Variants in GMCL1 observed in about 807,000 individuals in gnomAD.
GMCL1 encodes germ cell-less protein-like 1.
GMCL1 carries 54 observed loss-of-function variants against 75.5 expected under a neutral mutation model. The observed-to-expected ratio is 0.71, with a 90% CI of 0.57 to 0.90. GMCL1 has a LOEUF of 0.90. GMCL1 is among the 40% of genes least tolerant of loss of function. The pLI is 0.00. For missense variants in GMCL1, 537 were observed against 622.7 expected (o/e 0.86, Z 1.47); for synonymous variants, 210 against 209.6 (o/e 1.00, Z -0.02).
intron 1 of GMCL1, among the ~76,000 whole-genome samples, chr2:69,836,707 A>G (rs1300576003): frequency 6.6e-6 from 1 of 152,224 alleles, no homozygotes; most frequent in African/African-American, 2.4e-5. Flanking sequence ...GCCTCTGCCT[A>G]AGGCCTTTTC....
Position 69,861,313 on chromosome 2 carries a change from G to T in GMCL1, c.1108G>T (p.Ala370Ser). Reference sequence around the variant, plus strand: ...TTCTGTGTATAAACAGCAGTGGTTTGCTATGCTGCGGGCAGAACAGGACAG... The same window carrying T: ...TTCTGTGTATAAACAGCAGTGGTTTTCTATGCTGCGGGCAGAACAGGACAG... Reference protein sequence around the residue: ...LSSVYKQQWFAMLRAEQDSEV... With the variant: ...LSSVYKQQWFSMLRAEQDSEV... Residue 370 changes from alanine to serine, a missense_variant, in exon 10 of 14, where the codon GCT (alanine) becomes TCT (serine). Physicochemically the swap from Ala to Ser is moderately conservative, Grantham distance 99. This residue lies in a region of GMCL1 where 345 missense variants were observed against 410.5 expected (regional missense o/e 0.84). Transcript: ENST00000282570. The T allele has an allele frequency of 6.2e-7, 1 of 1,609,502 alleles. No individual in the cohort carries two copies. Among genetic ancestry groups the T allele is most frequent in the Non-Finnish European group, 8.5e-7 (1 of 1,176,948 alleles).
intron 1 of GMCL1, among the ~76,000 whole-genome samples, chr2:69,834,224 A>C (rs2103943331): frequency 6.6e-6 from 1 of 152,306 alleles, no homozygotes; most frequent in Middle Eastern, 3.4e-3. Flanking sequence ...AACACAGAAA[A>C]GTCTTTTGAA....
At chr2:69,839,333 T>G (rs1235661928) in intron 2 of GMCL1, 124 bp from the exon 3 acceptor site, 5 of 542,548 alleles carry the variant, frequency 9.2e-6, no homozygotes, top group Admixed American at 3.1e-5. Flanking sequence ...TCTTTTTCTG[T>G]TGAAGTAATA....
In GMCL1 at chr2:69,829,955, G is replaced by T. The variant is rs1303733168; in HGVS notation, c.63G>T (p.Gln21His). 6.3e-7 allele frequency: 1 copy of T among 1,594,606 alleles called. No homozygotes were observed. The highest frequency in any genetic ancestry group is 1.7e-4 in the Middle Eastern group (1 of 6,042). Residue 21 changes from glutamine (Q) to histidine (H), a missense_variant, in exon 1 of 14, where the codon CAG (glutamine) becomes CAT (histidine). Physicochemically the swap from Gln to His is conservative, Grantham distance 24. This residue lies in a region of GMCL1 where 144 missense variants were observed against 127.2 expected (regional missense o/e 1.13). Transcript: ENST00000282570. Reference protein sequence around the residue: ...QPRPALAQQAQGARAGGSARR... With the variant: ...QPRPALAQQAHGARAGGSARR... ...GACCAGCCCTTGCCCAGCAGGCGCA[G>T]GGTGCCAGGGCGGGGGGCTCGGCCC...
At chr2:69,870,855 GA>G (rs1171718311) in intron 12 of GMCL1, among the ~76,000 whole-genome samples, 4 of 151,712 alleles carry the variant, frequency 2.6e-5, no homozygotes, top group Admixed American at 2.0e-4. Flanking sequence ...AAACAGAATA[GA>G]AAAAAAACAA....
At position 69,839,439 on chromosome 2, in the gene GMCL1, CTTT is replaced by C; in HGVS notation, c.385-10_385-8del. The C allele has an allele frequency of 7.5e-7, 1 of 1,330,812 alleles. No individual in the cohort carries two copies. Among genetic ancestry groups the C allele is most frequent in the Non-Finnish European group, 1.0e-6 (1 of 964,394 alleles). 82.4% of individuals were successfully genotyped at this position (1,330,812 alleles called of 1,614,324 possible). A position where few individuals can be genotyped will look rare whatever the true frequency, so the allele number is the denominator to read the frequency against. The stretch of plus-strand genomic sequence containing the variant: ...ACAGAAAGTACTTGATAATCGTTGA[CTTT>C]TTTTTTTGTTTAAGTCTGGCTACTT... On this transcript the variant is annotated splice_polypyrimidine_tract_variant and intron_variant, in intron 2 of 13. Transcript: ENST00000282570.
chr2:69,856,640 C>CTTTT lies in GMCL1; in HGVS notation c.1072+1705_1072+1708dup, dbSNP rs34707640. Among the ~76,000 whole-genome samples the CTTTT allele has an allele frequency of 3.0e-4, 27 of 89,856 alleles. 1 individual carries two copies. The highest frequency in any genetic ancestry group is 9.6e-4 in the African/African-American group (24 of 25,102). The allele number at this position is 89,856 out of a possible 152,430, so 58.9% of individuals were successfully genotyped here. On this transcript the variant is annotated intron_variant, in intron 9 of 13. Transcript: ENST00000282570. ...AACAAAATCTTCCATCTCTTCCCTC[C>CTTTT]TTTTTTTTTTTTTTTTTTTTTTTTT...
intron 9 of GMCL1, among the ~76,000 whole-genome samples, chr2:69,860,484 C>T (rs1675608966): frequency 6.6e-6 from 1 of 151,726 alleles, no homozygotes; most frequent in African/African-American, 2.4e-5. Context: ...ATTGAGTGTG[C>T]ATGTTTCATC....
intron 5 of GMCL1, 100 bp downstream of exon 5, chr2:69,843,361 G>A: frequency 1.2e-5 from 7 of 599,040 alleles, no homozygotes; most frequent in Middle Eastern, 2.8e-4. Flanking sequence ...AAAGAATTAA[G>A]GAAAAATAGG....
In GMCL1 at chr2:69,829,916, G is replaced by T. The variant is rs772929464; in HGVS notation, c.24G>T (p.Val8=). 109 of 1,602,994 alleles carry T rather than the reference G, an allele frequency of 6.8e-5. No homozygotes were observed. The highest frequency in any genetic ancestry group is 8.3e-5 in the Non-Finnish European group (98 of 1,175,086). The change falls in exon 1 of 14, where the codon GTG becomes GTT. Residue 8 remains valine (V), a synonymous_variant. Coordinates refer to ENST00000282570, the MANE Select transcript of GMCL1 (RefSeq NM_178439.5). Reference sequence around the variant, plus strand: ...CCATGGGATCGTTGAGCAGCCGGGTGCTGCGCCAGCCAAGACCAGCCCTTG... The same window carrying T: ...CCATGGGATCGTTGAGCAGCCGGGTTCTGCGCCAGCCAAGACCAGCCCTTG... The part of the protein sequence containing the change: MGSLSSR[V]LRQPRPALAQ...
chr2:69,871,775 A>G lies in GMCL1; in HGVS notation c.1395A>G (p.Gly465=). 4 of 1,587,798 alleles carry G rather than the reference A, an allele frequency of 2.5e-6. No homozygotes were observed. Among genetic ancestry groups the G allele is most frequent in the South Asian group, 1.2e-5 (1 of 86,428 alleles). ...RLRLASFDSS[G]KLICSRTTGY... ...GTTTGGCTTCTTTTGATAGTAGTGG[A>G]AAACTAATATGTAGTAGAACAACTG... Residue 465 remains glycine, a synonymous_variant, in exon 13 of 14, where the codon GGA becomes GGG. Transcript: ENST00000282570.
At chr2:69,836,533 T>G (rs1045876043) in intron 1 of GMCL1, among the ~76,000 whole-genome samples, 2 of 152,188 alleles carry the variant, frequency 1.3e-5, no homozygotes, top group African/African-American at 2.4e-5. Flanking sequence ...CTAAGACATG[T>G]GCTGTTTTTA....
chr2:69,855,010 G>A lies in GMCL1; in HGVS notation c.1072+50G>A, dbSNP rs1289069205. 4 of 1,323,936 alleles carry A rather than the reference G, an allele frequency of 3.0e-6. No individual in the cohort carries two copies. The South Asian group carries it at 4.0e-5, about 13-fold the overall frequency. 82.0% of individuals were successfully genotyped at this position (1,323,936 alleles called of 1,614,324 possible). On this transcript the variant is annotated intron_variant, in intron 9 of 13. Coordinates refer to ENST00000282570, the MANE Select transcript of GMCL1 (RefSeq NM_178439.5). ...TAAGTAATATATTTCTGATTATAAA[G>A]TAATATAGATCATAGAAAAGAACAA...
intron 1 of GMCL1, among the ~76,000 whole-genome samples, chr2:69,836,710 G>A (rs1558536594): frequency 6.6e-6 from 1 of 152,172 alleles, no homozygotes; most frequent in Non-Finnish European, 1.5e-5. Context: ...TCTGCCTAAG[G>A]CCTTTTCTTA....
intron 1 of GMCL1, among the ~76,000 whole-genome samples, chr2:69,834,343 G>T (rs1306837057): frequency 6.6e-6 from 1 of 152,058 alleles, no homozygotes; most frequent in Non-Finnish European, 1.5e-5. Context: ...CCATCTCTAG[G>T]ATTGAATCCA....
At chr2:69,876,450 G>A (rs1464015434) in intron 13 of GMCL1, among the ~76,000 whole-genome samples, 1 of 152,218 alleles carries the variant, frequency 6.6e-6, no homozygotes, top group East Asian at 1.9e-4. Flanking sequence ...ATGGTGAAGA[G>A]ATGATGAATT....
At chr2:69,830,428 C>T (rs944367211) in intron 1 of GMCL1, among the ~76,000 whole-genome samples, 2 of 152,366 alleles carry the variant, frequency 1.3e-5, no homozygotes, top group South Asian at 4.1e-4. Flanking sequence ...GAGCTCGCGT[C>T]TCGTTAAACC....
rs558428677 is a variant in GMCL1 at position 69,847,797 on chromosome 2, A to C, written c.843+170A>C. Among the ~76,000 whole-genome samples, 6 of 150,888 alleles carry C rather than the reference A, an allele frequency of 4.0e-5. No individual in the cohort carries two copies. In the East Asian group the frequency reaches 5.8e-4, roughly 15 times the overall value. The stretch of plus-strand genomic sequence containing the variant: ...TTATATTTAGGGATTTGGAATCATT[A>C]GTGATTTTAACTTTATTTTTTGTAC... On this transcript the variant is annotated intron_variant, in intron 7 of 13. Transcript: ENST00000282570.
At chr2:69,856,517 C>G (rs1675471063) in intron 9 of GMCL1, among the ~76,000 whole-genome samples, 1 of 152,012 alleles carries the variant, frequency 6.6e-6, no homozygotes, top group Non-Finnish European at 1.5e-5. Context: ...CTGTCTTATT[C>G]CATACTCTTG....
Sources: gnomAD v4.1 joint callset for allele counts (sites outside exome capture counted in the v4.1 genomes callset) on GRCh38, gnomAD v4.1.1 for gene constraint, gnomAD v4.1.1 regional missense constraint, MANE v1.5 for transcripts, NCBI Gene and HGNC (gene_info 2026-07-23, HGNC 2026-07-21) for gene names.